The following DGKZ variants were observed in gnomAD, a reference collection of about 807,000 sequenced individuals.
The protein encoded by DGKZ is diacylglycerol kinase zeta, also known as DAG kinase zeta.
In DGKZ, 45 loss-of-function variants were observed where a neutral mutation model predicts 142.5. The ratio of observed to expected loss-of-function variants is 0.32; its 90% CI spans 0.25 to 0.40. The LOEUF is 0.40. DGKZ is among the 10% of genes least tolerant of loss of function. The pLI is 1.00. For synonymous variants in DGKZ, 442 were observed against 527.0 expected, an observed-to-expected ratio of 0.84 and a Z score of 2.21; for missense variants, 755 against 1,306.5, an observed-to-expected ratio of 0.58 and a Z score of 6.51.
chr11:46,347,461 G>A (rs1399777051), upstream of DGKZ: 29 of 982,248 alleles, frequency 3.0e-5, no homozygotes, highest in Non-Finnish European at 3.3e-5. This position sits in a 1 kb window ranked among gnomAD's most constrained non-coding sequence, Gnocchi z 6.4. Flanking sequence ...GCCGCGGCTG[G>A]CGGCACTTCC....
In DGKZ at chr11:46,368,923, C is replaced by T. The variant is rs144339872; in HGVS notation, c.445-571C>T. On this transcript the variant is annotated intron_variant, in intron 4 of 30. Transcript: ENST00000527911. Reference sequence around the variant, plus strand: ...GCCAGAGGGCGAGGAAGAAAGGATGCGGCCGAGTGCGGTGGCTCATGCCTG... The same window carrying T: ...GCCAGAGGGCGAGGAAGAAAGGATGTGGCCGAGTGCGGTGGCTCATGCCTG... The T allele has an allele frequency of 2.5e-3, 412 of 167,340 alleles. 3 individuals carry two copies. The highest frequency in any genetic ancestry group is 9.4e-3 in the African/African-American group (392 of 41,742). The allele number at this position is 167,340 out of a possible 1,614,324, so 10.4% of individuals were successfully genotyped here.
chr11:46,368,109 CT>C (rs1274325510), intron 4 of DGKZ, 30 bp downstream of exon 4: 5 of 1,611,776 alleles, frequency 3.1e-6, no homozygotes, highest in Non-Finnish European at 3.4e-6. Context: ...TTGCCCGCCC[CT>C]GCCCTTTGGG....
chr11:46,378,004 T>A (rs1472905333), intron 25 of DGKZ, 194 bp from the exon 26 acceptor site: 1 of 656,956 alleles, frequency 1.5e-6, no homozygotes, highest in African/African-American at 1.8e-5. Flanking sequence ...TGAACTAGAA[T>A]GTAAGCTCCA....
At chr11:46,373,837 C>T (rs1241995644) in intron 14 of DGKZ, among the ~76,000 whole-genome samples, 1 of 152,238 alleles carries the variant, frequency 6.6e-6, no homozygotes, top group East Asian at 1.9e-4. Flanking sequence ...CACTGAGCGC[C>T]TGCTACCTGC....
chr11:46,357,675 C>T (rs113536594), intron 1 of DGKZ, among the ~76,000 whole-genome samples: 3,821 of 152,288 alleles, frequency 0.025, 149 homozygotes, highest in African/African-American at 0.087. Flanking sequence ...CTGGCCCCGG[C>T]CCCCCAGGAG....
upstream of DGKZ, among the ~76,000 whole-genome samples, chr11:46,344,090 C>G (rs1041479783): frequency 6.6e-6 from 1 of 151,986 alleles, no homozygotes; most frequent in Non-Finnish European, 1.5e-5. Context: ...GCTGGGATTA[C>G]GGATGTCCAC....
chr11:46,353,386 T>G (rs1332994312), intron 1 of DGKZ, among the ~76,000 whole-genome samples: 1 of 152,154 alleles, frequency 6.6e-6, no homozygotes, highest in Non-Finnish European at 1.5e-5. Flanking sequence ...GTGAAAGGTC[T>G]TTGCCTCCGG....
intron 4 of DGKZ, chr11:46,368,321 C>T: frequency 1.7e-6 from 1 of 574,494 alleles, no homozygotes; most frequent in Non-Finnish European, 3.2e-6. Context: ...GAATATCACT[C>T]AATGGAATGA....
chr11:46,377,236 C>T, intron 25 of DGKZ, 24 bp downstream of exon 25: 2 of 1,555,558 alleles, frequency 1.3e-6, no homozygotes, highest in Non-Finnish European at 1.7e-6. Flanking sequence ...TCCCGTCCCT[C>T]CAGCCCCTGG....
chr11:46,337,839 G>A (rs1228786961), intron 1 of DGKZ, among the ~76,000 whole-genome samples: 1 of 152,152 alleles, frequency 6.6e-6, no homozygotes, highest in Non-Finnish European at 1.5e-5. Context: ...ACTGGGATGT[G>A]GCTGGCGGAG....
chr11:46,346,360 A>C (rs1940614262), upstream of DGKZ, among the ~76,000 whole-genome samples: 1 of 152,066 alleles, frequency 6.6e-6, no homozygotes, highest in South Asian at 2.1e-4. Context: ...GGGAGGTGGA[A>C]GACCATGCTT....
chr11:46,378,190 T>C lies in DGKZ; in HGVS notation c.2343-8T>C. The C allele has an allele frequency of 6.2e-7, 1 of 1,609,262 alleles. No individual in the cohort carries two copies. Among genetic ancestry groups the C allele is most frequent in the Non-Finnish European group, 8.5e-7 (1 of 1,178,516 alleles). The stretch of plus-strand genomic sequence containing the variant: ...TAGCCGGTCACAGCACATCATGCTC[T>C]GTTGCAGGTCACTGCAAGGGGATGC... On this transcript the variant is annotated splice_polypyrimidine_tract_variant and splice_region_variant and intron_variant, in intron 25 of 30. Transcript: ENST00000527911.
At chr11:46,377,212 G>T (rs1248059680) in exon 25 of DGKZ, 1 of 1,582,002 alleles carries the variant, frequency 6.3e-7, no homozygotes, top group African/African-American at 1.3e-5. Context: ...CCCACGCCCC[G>T]GTGAGTCCTG....
At position 46,337,131 on chromosome 11, in the gene DGKZ, G is replaced by A. The variant is rs137931651; in HGVS notation, c.212+3644G>A. Among the ~76,000 whole-genome samples the A allele has an allele frequency of 4.7e-4, 72 of 152,236 alleles. No individual in the cohort carries two copies. The East Asian group carries it at 0.011, about 23-fold the overall frequency. ...ATCAGGGTTGGGCTCAAGAGACCATGGGAGAGCAGGCTCCAGCTAGGTAAA... is the reference window on the plus strand; with the variant it reads ...ATCAGGGTTGGGCTCAAGAGACCATAGGAGAGCAGGCTCCAGCTAGGTAAA... On this transcript the variant is annotated intron_variant, in intron 1 of 30. Coordinates refer to the DGKZ transcript ENST00000343674.
intron 1 of DGKZ, among the ~76,000 whole-genome samples, chr11:46,360,252 TAAC>T (rs1942494490): frequency 6.6e-6 from 1 of 152,286 alleles, no homozygotes; most frequent in Admixed American, 6.5e-5. Flanking sequence ...TTGTTTATAT[TAAC>T]GTAATGGGCT....
At chr11:46,371,049 C>T (rs1206269378) in intron 6 of DGKZ, among the ~76,000 whole-genome samples, 1 of 152,218 alleles carries the variant, frequency 6.6e-6, no homozygotes, top group African/African-American at 2.4e-5. Flanking sequence ...CACGCCACTG[C>T]ACTCCAGCCT....
chr11:46,363,572 C>T (rs894477116), intron 1 of DGKZ, among the ~76,000 whole-genome samples: 1 of 152,208 alleles, frequency 6.6e-6, no homozygotes, highest in African/African-American at 2.4e-5. Context: ...GCCCTTGTCT[C>T]TCGAGGGGGT....
chr11:46,369,150 T>C, intron 4 of DGKZ: 1 of 358,182 alleles, frequency 2.8e-6, no homozygotes, highest in Admixed American at 4.1e-5. Context: ...CACTCCAGCC[T>C]GGGCAACAGA....
chr11:46,333,300 G>C, exon 1 of DGKZ: 1 of 1,277,214 alleles, frequency 7.8e-7, no homozygotes, highest in Non-Finnish European at 9.8e-7. Context: ...GGGCGGCGGA[G>C]GGCAGCGCTG....
Sources: allele counts gnomAD v4.1 joint callset (sites outside exome capture counted in the v4.1 genomes callset), GRCh38; gene constraint gnomAD v4.1.1; non-coding constraint Gnocchi (gnomAD v3.1); transcripts MANE v1.5; gene names NCBI Gene and HGNC (gene_info 2026-07-23, HGNC 2026-07-21).